Variants in ASXL2 observed in about 807,000 individuals in gnomAD.
The protein encoded by ASXL2 is ASXL transcriptional regulator 2, also known as putative Polycomb group protein ASXL2.
A neutral mutation model predicts 122.0 loss-of-function variants in ASXL2; 23 were observed. The observed-to-expected ratio is 0.19, with a 90% CI of 0.14 to 0.27. The LOEUF is 0.27. Ranked by LOEUF, ASXL2 falls within the 10% of genes least tolerant of loss-of-function variation. The pLI is 1.00. For synonymous variants in ASXL2, 650 were observed against 637.0 expected (o/e 1.02, Z -0.31); for missense variants, 1,518 against 1,713.8 (o/e 0.89, Z 2.02).
chr2:25,845,651 C>T, intron 1 of ASXL2, 88 bp from the exon 2 acceptor site: 1 of 551,222 alleles, frequency 1.8e-6, no homozygotes. Flanking sequence ...GTCTTAAAAG[C>T]TAAAATTAAT....
chr2:25,753,189 C>T (rs951798492), intron 11 of ASXL2, among the ~76,000 whole-genome samples: 7 of 150,030 alleles, frequency 4.7e-5, no homozygotes, highest in African/African-American at 9.8e-5. Context: ...AGGCTGGTCT[C>T]GAACTCCTGA....
intron 1 of ASXL2, 61 bp from the exon 2 acceptor site, chr2:25,845,624 A>G (rs1472024982): frequency 1.3e-6 from 1 of 744,884 alleles, no homozygotes; most frequent in Non-Finnish European, 1.9e-6. Flanking sequence ...AATTCTATAT[A>G]TATTTCTTAT....
chr2:25,750,328 T>C lies in ASXL2; in HGVS notation c.1228A>G (p.Lys410Glu). The C allele has an allele frequency of 6.2e-7, 1 of 1,613,976 alleles. No homozygotes were observed. Among genetic ancestry groups the C allele is most frequent in the Non-Finnish European group, 8.5e-7 (1 of 1,179,880 alleles). Reference sequence around the variant, plus strand: ...GAGGCCTCTGACACAGGCATGGATTTTGGTTGTTCAGCTGGGGTTTTCTTT... The same window carrying C: ...GAGGCCTCTGACACAGGCATGGATTCTGGTTGTTCAGCTGGGGTTTTCTTT... ...KVKKTPAEQPKSMPVSEASLI... is the reference protein window; with the variant it reads ...KVKKTPAEQPESMPVSEASLI... Residue 410 changes from lysine to glutamate, a missense_variant, in exon 12 of 13, where the codon AAA becomes GAA. Transcript: ENST00000435504.
chr2:25,842,855 TC>T (rs1215828893), intron 2 of ASXL2, among the ~76,000 whole-genome samples: 1 of 151,730 alleles, frequency 6.6e-6, no homozygotes, highest in East Asian at 2.0e-4. Context: ...AGAGTCTCGC[TC>T]TGTTGCCCAG....
At chr2:25,806,003 T>C (rs2089075726) in intron 4 of ASXL2, among the ~76,000 whole-genome samples, 1 of 152,152 alleles carries the variant, frequency 6.6e-6, no homozygotes, top group East Asian at 1.9e-4. Flanking sequence ...TCGTTCTTTC[T>C]AGATAAGATT....
chr2:25,775,632 T>C (rs577062102), intron 5 of ASXL2, among the ~76,000 whole-genome samples: 2 of 152,284 alleles, frequency 1.3e-5, no homozygotes, highest in South Asian at 2.1e-4. Flanking sequence ...CCATGTGAAG[T>C]TGGTTGCTTC....
chr2:25,734,812 CTCAAA>C lies in ASXL2; in HGVS notation c.*7212_*7216del, dbSNP rs1260697602. On this transcript the variant is annotated 3_prime_UTR_variant, in exon 13 of 13. Coordinates refer to ENST00000435504, the MANE Select transcript of ASXL2 (RefSeq NM_018263.6). ...AACTATTCCTTATCCCACAGAATGT[CTCAAA>C]TCAAACTCCAGGTTACATTCATGGC... 1 of 152,178 alleles carries C rather than the reference CTCAAA, an allele frequency of 6.6e-6. No homozygotes were observed. The highest frequency in any genetic ancestry group is 2.4e-5 in the African/African-American group (1 of 41,454). 9.4% of individuals were successfully genotyped at this position (152,178 alleles called of 1,614,324 possible). A position where few individuals can be genotyped will look rare whatever the true frequency, so the allele number is the denominator to read the frequency against.
intron 2 of ASXL2, among the ~76,000 whole-genome samples, chr2:25,842,260 T>C (rs1256649844): frequency 2.6e-5 from 4 of 152,126 alleles, no homozygotes; most frequent in Non-Finnish European, 4.4e-5. Flanking sequence ...AACTGTCCAA[T>C]AGGTGAGCGA....
rs1350190117 is a variant in ASXL2 at position 25,737,212 on chromosome 2, G to A, written c.*4817C>T. On this transcript the variant is annotated 3_prime_UTR_variant, in exon 13 of 13. Coordinates refer to ENST00000435504, the MANE Select transcript of ASXL2 (RefSeq NM_018263.6). ...TGAAACTCACTTCTGAGAGAACTGG[G>A]AAACGGAAAAAAAAAAATTTCTATC... The A allele has an allele frequency of 6.6e-6, 1 of 151,490 alleles. No individual in the cohort carries two copies. The highest frequency in any genetic ancestry group is 1.5e-5 in the Non-Finnish European group (1 of 67,878). 9.4% of individuals were successfully genotyped at this position (151,490 alleles called of 1,614,324 possible).
chr2:25,791,192 T>G (rs2088827326), intron 5 of ASXL2, among the ~76,000 whole-genome samples: 1 of 151,996 alleles, frequency 6.6e-6, no homozygotes, highest in Non-Finnish European at 1.5e-5. Flanking sequence ...TTAATTTTCC[T>G]AAGAAACTTT....
chr2:25,856,817 C>T, intron 1 of ASXL2: 1 of 1,110,820 alleles, frequency 9.0e-7, no homozygotes, highest in Non-Finnish European at 1.4e-6. Context: ...TCAGGTCATC[C>T]CCCACAATCT....
intron 4 of ASXL2, among the ~76,000 whole-genome samples, chr2:25,804,993 C>A (rs985045672): frequency 6.6e-6 from 1 of 151,942 alleles, no homozygotes; most frequent in African/African-American, 2.4e-5. Context: ...GAGGTTGTAG[C>A]GAACCAAGAC....
intron 5 of ASXL2, among the ~76,000 whole-genome samples, chr2:25,778,891 AT>A (rs1281897194): frequency 6.6e-6 from 1 of 152,158 alleles, no homozygotes; most frequent in African/African-American, 2.4e-5. Context: ...TTAAATTTAA[AT>A]TGGAAATGGT....
At position 25,734,435 on chromosome 2, in the gene ASXL2, A is replaced by G. The variant is rs1221934192; in HGVS notation, c.*7594T>C. On this transcript the variant is annotated 3_prime_UTR_variant, in exon 13 of 13. Transcript: ENST00000435504. ...AAAAGAACTGCTGACTTCGGGTCAA[A>G]GCCCAACTCTATTATAATTTCCAAG... 1 of 152,232 alleles carries G rather than the reference A, an allele frequency of 6.6e-6. No individual in the cohort carries two copies. The highest frequency in any genetic ancestry group is 1.9e-4 in the East Asian group (1 of 5,206). 9.4% of individuals were successfully genotyped at this position (152,232 alleles called of 1,614,324 possible). A position where few individuals can be genotyped will look rare whatever the true frequency, so the allele number is the denominator to read the frequency against.
chr2:25,820,997 T>A (rs1236772931), intron 3 of ASXL2, among the ~76,000 whole-genome samples: 1 of 151,958 alleles, frequency 6.6e-6, no homozygotes, highest in South Asian at 2.1e-4. Flanking sequence ...AGAAATCCCA[T>A]GGAGAAACCC....
At chr2:25,815,386 C>A (rs750351805) in intron 3 of ASXL2, among the ~76,000 whole-genome samples, 1 of 151,830 alleles carries the variant, frequency 6.6e-6, no homozygotes, top group Non-Finnish European at 1.5e-5. Context: ...GCAATGATAA[C>A]CCTCACCTCC....
intron 1 of ASXL2, among the ~76,000 whole-genome samples, chr2:25,852,396 G>T (rs975076678): frequency 1.3e-5 from 2 of 152,096 alleles, no homozygotes; most frequent in Non-Finnish European, 2.9e-5. Flanking sequence ...CCTAAATAAC[G>T]GGAATATTTC....
intron 1 of ASXL2, among the ~76,000 whole-genome samples, chr2:25,872,577 G>A (rs1400126868): frequency 2.6e-5 from 4 of 151,996 alleles, no homozygotes; most frequent in African/African-American, 9.7e-5. Flanking sequence ...CAACAAAACA[G>A]ATAAATCACT....
chr2:25,781,438 T>C (rs1410683550), intron 5 of ASXL2, among the ~76,000 whole-genome samples: 3 of 152,180 alleles, frequency 2.0e-5, no homozygotes, highest in Non-Finnish European at 2.9e-5. Flanking sequence ...TGCTCAGAAT[T>C]TTTTTGTTGT....
Sources: gnomAD v4.1 joint callset for allele counts (sites outside exome capture counted in the v4.1 genomes callset) on GRCh38, gnomAD v4.1.1 for gene constraint, MANE v1.5 for transcripts, NCBI Gene and HGNC (gene_info 2026-07-23, HGNC 2026-07-21) for gene names.